The following NAALADL2 variants were observed in gnomAD, a reference collection of about 807,000 sequenced individuals.
NAALADL2 encodes N-acetylated alpha-linked acidic dipeptidase like 2.
Under a neutral mutation model 87.2 loss-of-function variants are expected in NAALADL2, and 76 were observed. That is an observed-to-expected ratio of 0.87 (90% CI 0.72 to 1.05). NAALADL2 has a LOEUF of 1.05. Ranked by LOEUF, NAALADL2 falls within the 50% of genes least tolerant of loss-of-function variation. The pLI is 0.00. For missense variants in NAALADL2, 1,089 were observed against 945.8 expected (o/e 1.15, Z -1.99); for synonymous variants, 354 against 331.0 (o/e 1.07, Z -0.75).
chr3:175,781,352 A>G (rs1403295017), intron 13 of NAALADL2, among the ~76,000 whole-genome samples: 4 of 152,182 alleles, frequency 2.6e-5, no homozygotes, highest in African/African-American at 4.8e-5. Context: ...ATAAGATTAT[A>G]ATGGGGCTGA....
intron 9 of NAALADL2, among the ~76,000 whole-genome samples, chr3:175,542,644 G>C (rs1712570248): frequency 6.6e-6 from 1 of 152,180 alleles, no homozygotes; most frequent in Admixed American, 6.5e-5. Context: ...ACAGGCGTGA[G>C]CCACTGCACC....
At chr3:175,192,894 G>A (rs1353691314) in intron 2 of NAALADL2, among the ~76,000 whole-genome samples, 1 of 150,702 alleles carries the variant, frequency 6.6e-6, no homozygotes, top group Non-Finnish European at 1.5e-5. Context: ...GCCACAATAT[G>A]ATAAAAAAAA....
chr3:174,914,942 A>G (rs1371773589), intron 1 of NAALADL2, among the ~76,000 whole-genome samples: 1 of 152,182 alleles, frequency 6.6e-6, no homozygotes, highest in Non-Finnish European at 1.5e-5. Flanking sequence ...ACAAGTTTTG[A>G]TGAAAAGGCT....
Position 174,604,387 on chromosome 3 carries a change from C to A in NAALADL2, c.-115+53750C>A, listed in dbSNP as rs138897793. ...TCTGATTTAAGTATAGTTACTCCTGCTGTTTTTTCATTTCCATTGGAATGG... is the reference window on the plus strand; with the variant it reads ...TCTGATTTAAGTATAGTTACTCCTGATGTTTTTTCATTTCCATTGGAATGG... On this transcript the variant is annotated intron_variant, in intron 2 of 3. Transcript: ENST00000434257. Among the ~76,000 whole-genome samples, 13 of 152,202 alleles carry A rather than the reference C, an allele frequency of 8.5e-5. No individual in the cohort carries two copies. The East Asian group carries it at 1.4e-3, about 16-fold the overall frequency.
intron 5 of NAALADL2, among the ~76,000 whole-genome samples, chr3:175,368,004 G>C (rs1040867731): frequency 3.7e-4 from 57 of 152,074 alleles, no homozygotes; most frequent in Non-Finnish European, 6.2e-4. Flanking sequence ...GTCATAGATA[G>C]CTCTTATTAT....
At chr3:175,742,543 G>T (rs968979782) in intron 12 of NAALADL2, among the ~76,000 whole-genome samples, 1 of 151,630 alleles carries the variant, frequency 6.6e-6, no homozygotes, top group South Asian at 2.1e-4. Flanking sequence ...GACTACAGGC[G>T]CCCACCACCA....
At chr3:175,738,301 G>A (rs138114389) in intron 12 of NAALADL2, among the ~76,000 whole-genome samples, 6,239 of 151,574 alleles carry the variant, frequency 0.041, 213 homozygotes, top group Non-Finnish European at 0.057. Flanking sequence ...AGGCTGGAGT[G>A]CAGTGGTGCG....
At chr3:174,813,194 C>T (rs1356282929) in intron 3 of NAALADL2, among the ~76,000 whole-genome samples, 2 of 152,084 alleles carry the variant, frequency 1.3e-5, no homozygotes, top group Non-Finnish European at 2.9e-5. Context: ...AATCTTTTGG[C>T]TTCCCTGGTC....
intron 1 of NAALADL2, among the ~76,000 whole-genome samples, chr3:174,910,102 C>T (rs953351402): frequency 6.6e-6 from 1 of 151,822 alleles, no homozygotes. Flanking sequence ...AGATTTTAAT[C>T]AGAATGTAGT....
At chr3:174,724,151 C>A (rs1019365597) in intron 2 of NAALADL2, among the ~76,000 whole-genome samples, 4 of 152,076 alleles carry the variant, frequency 2.6e-5, no homozygotes, top group Admixed American at 6.6e-5. Flanking sequence ...ACATAGTAAA[C>A]TAAAATATGA....
chr3:175,412,891 T>TTTATTTA (rs1553887809), intron 5 of NAALADL2, among the ~76,000 whole-genome samples: 11 of 123,008 alleles, frequency 8.9e-5, no homozygotes, highest in South Asian at 8.8e-4. Context: ...ATTTAATTTA[T>TTTATTTA]TTATTATTAT....
At chr3:175,202,153 A>G (rs1740143020) in intron 2 of NAALADL2, among the ~76,000 whole-genome samples, 1 of 152,152 alleles carries the variant, frequency 6.6e-6, no homozygotes, top group African/African-American at 2.4e-5. Context: ...CCCAAAATTC[A>G]TATTCCTAAT....
At chr3:174,664,452 G>C (rs1289142747) in intron 2 of NAALADL2, among the ~76,000 whole-genome samples, 1 of 152,100 alleles carries the variant, frequency 6.6e-6, no homozygotes, top group African/African-American at 2.4e-5. Flanking sequence ...GAAGCACTGG[G>C]TCTCATACCA....
At chr3:175,214,921 CA>C (rs1472091354) in intron 2 of NAALADL2, among the ~76,000 whole-genome samples, 1 of 151,910 alleles carries the variant, frequency 6.6e-6, no homozygotes, top group Admixed American at 6.6e-5. Context: ...TTGACACACA[CA>C]AAAAAATATA....
At chr3:174,783,019 T>G (rs1260755561) in intron 3 of NAALADL2, among the ~76,000 whole-genome samples, 1 of 152,172 alleles carries the variant, frequency 6.6e-6, no homozygotes, top group Non-Finnish European at 1.5e-5. Flanking sequence ...CTCTTGGCTG[T>G]CTTTCTTCTA....
rs148444193 is a variant in NAALADL2 at position 175,405,558 on chromosome 3, ATGCATAATTAAATG to A, written c.1091-41668_1091-41655del. 6.0e-3 allele frequency among the ~76,000 whole-genome samples: 917 copies of A among 152,252 alleles called. 10 individuals are homozygous for A. Among genetic ancestry groups the A allele is most frequent in the African/African-American group, 0.019 (798 of 41,536 alleles). On this transcript the variant is annotated intron_variant, in intron 5 of 13. Transcript: ENST00000454872. The stretch of plus-strand genomic sequence containing the variant: ...GCAGACTTTCTTTTGATAATTTCTT[ATGCATAATTAAATG>A]TGTTAATATTTTCTTTCTAATATAT...
chr3:175,554,162 A>T (rs1714888151), intron 9 of NAALADL2, among the ~76,000 whole-genome samples: 3 of 152,102 alleles, frequency 2.0e-5, no homozygotes, highest in Admixed American at 2.0e-4. Context: ...AAGTAGTCCT[A>T]AGTGGAGGAT....
intron 4 of NAALADL2, among the ~76,000 whole-genome samples, chr3:175,269,578 G>C (rs1467420876): frequency 1.3e-5 from 2 of 152,188 alleles, no homozygotes; most frequent in Non-Finnish European, 2.9e-5. Context: ...TTGTCTGTAT[G>C]ACGCTAGTTT....
intron 2 of NAALADL2, among the ~76,000 whole-genome samples, chr3:174,692,629 T>C (rs116114234): frequency 6.6e-6 from 1 of 152,032 alleles, no homozygotes; most frequent in East Asian, 1.9e-4. Flanking sequence ...ATACTAAGGG[T>C]ACCACCAAAA....
Sources: allele counts gnomAD v4.1 joint callset (sites outside exome capture counted in the v4.1 genomes callset), GRCh38; gene constraint gnomAD v4.1.1; transcripts MANE v1.5; gene names NCBI Gene and HGNC (gene_info 2026-07-23, HGNC 2026-07-21).